The following FASN variants were observed in gnomAD, a reference collection of about 807,000 sequenced individuals.
FASN encodes 3-hydroxyacyl-[acyl-carrier-protein] dehydratase.
FASN carries 50 observed loss-of-function variants against 250.0 expected under a neutral mutation model. The observed-to-expected ratio is 0.20, with a 90% CI of 0.16 to 0.25. FASN has a LOEUF of 0.25. Among genes scored for constraint, FASN ranks in the 10% least tolerant of loss-of-function variants. FASN has a pLI of 1.00. For missense variants in FASN, 3,031 were observed against 3,498.5 expected, an observed-to-expected ratio of 0.87 and a Z score of 3.37; for synonymous variants, 1,909 against 1,584.0, an observed-to-expected ratio of 1.21 and a Z score of -4.87.
rs372288947 is a variant in FASN at position 82,084,102 on chromosome 17, G to A, written c.4971C>T (p.Tyr1657=). ...GCACCCGCCCACGCACCACCAGCGC[G>A]TAGTAGGCCGTGCTGTAGACGACAG... ...SVPVVYSTAY[Y]ALVVRGRVRP... Residue 1657 remains tyrosine, a synonymous_variant, in exon 29 of 43, where the codon TAC becomes TAT. Coordinates refer to ENST00000306749, the MANE Select transcript of FASN (RefSeq NM_004104.5). The A allele has an allele frequency of 1.1e-4, 167 of 1,571,660 alleles. No homozygotes were observed. The highest frequency in any genetic ancestry group is 9.3e-4 in the African/African-American group (69 of 73,888).
Position 82,088,437 on chromosome 17 carries a change from T to G in FASN, c.2546A>C (p.Asp849Ala). 1 of 1,611,606 alleles carries G rather than the reference T, an allele frequency of 6.2e-7. No individual in the cohort carries two copies. Among genetic ancestry groups the G allele is most frequent in the Non-Finnish European group, 8.5e-7 (1 of 1,179,116 alleles). ...SLAWDVPAAE[D>A]FPNGSGSPSA... ...GGGGGAACCTGAACCGTTGGGGAAG[T>G]CCTCGGCGGCCGGCACGTCCCAGGC... The change falls in exon 16 of 43, where the codon GAC becomes GCC. Residue 849 changes from aspartate to alanine, a missense_variant. Asp to Ala is a moderately radical substitution (Grantham distance 126). Transcript: ENST00000306749.
Position 82,080,515 on chromosome 17 carries a change from G to A in FASN, c.6902C>T (p.Pro2301Leu). ...GTAGGAGTAGCCGGCCACGCGGTAG[G>A]GGCCCTCGGGCTGCACCTGCCTGAT... is the stretch of plus-strand genomic sequence containing the variant. ...DCIRQVQPEG[P>L]YRVAGYSYGA... The change falls in exon 40 of 43, where the codon CCC becomes CTC. Residue 2301 changes from proline to leucine, a missense_variant. Coordinates refer to ENST00000306749, the MANE Select transcript of FASN (RefSeq NM_004104.5). 1 of 1,562,368 alleles carries A rather than the reference G, an allele frequency of 6.4e-7. No homozygotes were observed. The highest frequency in any genetic ancestry group is 8.7e-7 in the Non-Finnish European group (1 of 1,154,542).
chr17:82,086,413 G>T lies in FASN; in HGVS notation c.3573C>A (p.Asn1191Lys). ...LLSAACRLQL[N>K]GNLQLELAQV... Reference sequence around the variant, plus strand: ...GCGCCAGCTCCAGCTGCAGGTTCCCGTTGAGCTGAAGCCTGCAGGCAGCCG... The same window carrying T: ...GCGCCAGCTCCAGCTGCAGGTTCCCTTTGAGCTGAAGCCTGCAGGCAGCCG... Residue 1191 changes from asparagine to lysine, a missense_variant, in exon 22 of 43, where the codon AAC (asparagine) becomes AAA (lysine). Asn to Lys is a moderately conservative substitution (Grantham distance 94). Transcript: ENST00000306749. 1 of 1,611,238 alleles carries T rather than the reference G, an allele frequency of 6.2e-7. No homozygotes were observed. The highest frequency in any genetic ancestry group is 1.1e-5 in the South Asian group (1 of 91,068).
chr17:82,086,653 C>G (rs1568110812), intron 21 of FASN, 95 bp from the exon 22 acceptor site: 8 of 924,558 alleles, frequency 8.7e-6, no homozygotes, highest in Non-Finnish European at 1.2e-5. Flanking sequence ...CTGGGGCCAC[C>G]ACCCCGCTCT....
At position 82,089,158 on chromosome 17, in the gene FASN, C is replaced by T. The variant is rs200173875; in HGVS notation, c.2115G>A (p.Pro705=). Residue 705 remains proline (P), a synonymous_variant, in exon 14 of 43, where the codon CCG becomes CCA. Transcript: ENST00000306749. ...TGAGCCAGCGGGCTGAACGTGGCTT[C>T]GGCTCCCGGATCACCTGCATGAGGG... ...LQELKKVIRE[P]KPRSARWLST... 2.1e-5 allele frequency: 33 copies of T among 1,573,336 alleles called. No homozygotes were observed. Among genetic ancestry groups the T allele is most frequent in the Middle Eastern group, 1.7e-4 (1 of 6,020 alleles).
At chr17:82,098,005 G>A (rs923557973) in intron 1 of FASN, 116 bp downstream of exon 1, 4 of 300,588 alleles carry the variant, frequency 1.3e-5, no homozygotes, top group Non-Finnish European at 2.4e-5. Context: ...CCCTGGATAC[G>A]GGGCCGGGCC....
intron 23 of FASN, 30 bp from the exon 24 acceptor site, chr17:82,085,432 G>C: frequency 6.2e-7 from 1 of 1,601,630 alleles, no homozygotes; most frequent in Non-Finnish European, 8.5e-7. Flanking sequence ...CACCCTGCCC[G>C]CCTGGCCCTC....
At position 82,083,992 on chromosome 17, in the gene FASN, C is replaced by A; in HGVS notation, c.5081G>T (p.Arg1694Leu). 4 of 1,539,418 alleles carry A rather than the reference C, an allele frequency of 2.6e-6. No homozygotes were observed. Among genetic ancestry groups the A allele is most frequent in the Non-Finnish European group, 3.5e-6 (4 of 1,145,550 alleles). ...GGCCTTACCCACGGTGGTGAAGACG[C>A]GGCAGCCCAGACTGAGGGCGATGGC... ...AIAIALSLGC[R>L]VFTTVGSAEK... Residue 1694 changes from arginine to leucine, a missense_variant, in exon 29 of 43, where the codon CGC becomes CTC. Coordinates refer to ENST00000306749, the MANE Select transcript of FASN (RefSeq NM_004104.5).
chr17:82,096,141 C>T (rs571152978), intron 2 of FASN, among the ~76,000 whole-genome samples, 178 bp downstream of exon 2: 1 of 152,362 alleles, frequency 6.6e-6, no homozygotes, highest in South Asian at 2.1e-4. Flanking sequence ...GGTGCAATGT[C>T]CAGGAAGGAG....
At chr17:82,088,651 C>A in intron 15 of FASN, 89 bp from the exon 16 acceptor site, 1 of 1,521,402 alleles carries the variant, frequency 6.6e-7, no homozygotes, top group African/African-American at 1.4e-5. Flanking sequence ...GGTGGACCAT[C>A]CAGGGCTGCT....
In FASN at chr17:82,079,531, G is replaced by A; in HGVS notation, c.7224C>T (p.His2408=). Residue 2408 remains histidine, a synonymous_variant, in exon 42 of 43, where the codon CAC becomes CAT. Coordinates refer to ENST00000306749, the MANE Select transcript of FASN (RefSeq NM_004104.5). ...TCAGCTCCTGGCGGTCCAGGCCCTG[G>A]TGGCTCTTGATGATCAGGTCCACGG... ...AAAVDLIIKS[H]QGLDRQELSF... The A allele has an allele frequency of 6.2e-7, 1 of 1,610,804 alleles. No homozygotes were observed. The highest frequency in any genetic ancestry group is 1.1e-5 in the South Asian group (1 of 91,086).
Position 82,079,420 on chromosome 17 carries a change from T to C in FASN, c.7335A>G (p.Leu2445=), listed in dbSNP as rs763731133. 6 of 1,613,066 alleles carry C rather than the reference T, an allele frequency of 3.7e-6. No individual in the cohort carries two copies. The highest frequency in any genetic ancestry group is 4.2e-6 in the Non-Finnish European group (5 of 1,179,998). The stretch of plus-strand genomic sequence containing the variant: ...AGGCGCCACCCGTCTTGGCGCGCAG[T>C]AGCATCACGTTGCCATGGTACTTGG... The part of the protein sequence containing the change: ...PKAKYHGNVM[L]LRAKTGGAYG... The change falls in exon 42 of 43, where the codon CTA becomes CTG. Residue 2445 remains leucine, a synonymous_variant. Transcript: ENST00000306749.
Position 82,081,361 on chromosome 17 carries a change from G to T in FASN, c.6407-9C>A. ...AGCCAAGTCGCGGATGCCTGGAAGG[G>T]ATGCGCCGGGTCGGCAACTCCAGAG... On this transcript the variant is annotated splice_polypyrimidine_tract_variant and intron_variant, in intron 37 of 42. Transcript: ENST00000306749. 6.4e-7 allele frequency: 1 copy of T among 1,558,680 alleles called. No individual in the cohort carries two copies. Among genetic ancestry groups the T allele is most frequent in the Non-Finnish European group, 8.7e-7 (1 of 1,152,794 alleles).
chr17:82,078,687 G>A lies in FASN; in HGVS notation c.*456C>T, dbSNP rs2144776001. 5 of 241,550 alleles carry A rather than the reference G, an allele frequency of 2.1e-5. No homozygotes were observed. In the South Asian group the frequency reaches 2.5e-4, roughly 12 times the overall value. The allele number at this position is 241,550 out of a possible 1,614,324, so 15.0% of individuals were successfully genotyped here. ...CCTGGCCGAGAGGGGGCCGCAGCCA[G>A]CAGGCTTGGGTGGCTGCCCGCGCCC... On this transcript the variant is annotated 3_prime_UTR_variant, in exon 43 of 43. Transcript: ENST00000306749. The surrounding 1 kb of genome is among the most constrained non-coding windows in gnomAD (Gnocchi z 5.4).
chr17:82,081,570 AC>A (rs767867256), intron 37 of FASN, 30 bp downstream of exon 37: 1 of 1,610,140 alleles, frequency 6.2e-7, no homozygotes, highest in Non-Finnish European at 8.5e-7. Flanking sequence ...CAGGGGAAAC[AC>A]CTGGCGCGGC....
rs907980456 is a variant in FASN, at chr17:82,089,229, C to G, written c.2100+21G>C. On this transcript the variant is annotated intron_variant, in intron 13 of 42. Transcript: ENST00000306749. Reference sequence around the variant, plus strand: ...TGGGTCCCCTGGCCCGCCCCGCACCCCCCAGGCCGTATTAGTCCACCTTCT... The same window carrying G: ...TGGGTCCCCTGGCCCGCCCCGCACCGCCCAGGCCGTATTAGTCCACCTTCT... 3 of 1,611,622 alleles carry G rather than the reference C, an allele frequency of 1.9e-6. No homozygotes were observed. In the African/African-American group the frequency reaches 4.0e-5, roughly 22 times the overall value.
At chr17:82,082,280 C>T (rs951473840) in intron 35 of FASN, 43 bp downstream of exon 35, 1 of 1,609,046 alleles carries the variant, frequency 6.2e-7, no homozygotes. Flanking sequence ...GGCCCTGAGC[C>T]CAGAGCCCGG....
chr17:82,083,144 G>A (rs1250237505), intron 32 of FASN, 29 bp from the exon 33 acceptor site: 2 of 1,610,596 alleles, frequency 1.2e-6, no homozygotes, highest in South Asian at 1.1e-5. Flanking sequence ...CACCGGCTCA[G>A]GCACTGCCTG....
intron 1 of FASN, 115 bp downstream of exon 1, chr17:82,098,006 G>T (rs2034333290): frequency 3.3e-6 from 1 of 301,110 alleles, no homozygotes; most frequent in South Asian, 1.6e-4. Context: ...CCTGGATACG[G>T]GGCCGGGCCA....
Sources: allele counts gnomAD v4.1 joint callset (sites outside exome capture counted in the v4.1 genomes callset), GRCh38; gene constraint gnomAD v4.1.1; non-coding constraint Gnocchi (gnomAD v3.1); transcripts MANE v1.5; gene names NCBI Gene and HGNC (gene_info 2026-07-23, HGNC 2026-07-21).